MCTP2: variants seen among roughly 807,000 people sequenced by gnomAD.
MCTP2 encodes multiple C2 and transmembrane domain containing 2.
Under a neutral mutation model 111.6 loss-of-function variants are expected in MCTP2, and 132 were observed. That is an observed-to-expected ratio of 1.18 (90% confidence interval 1.03 to 1.37). MCTP2 has a LOEUF of 1.37. Among genes scored for constraint, MCTP2 ranks in the 40% most tolerant of loss-of-function variants. The pLI, the probability that MCTP2 is intolerant of heterozygous loss-of-function variation, is 0.00. For missense variants in MCTP2, 1,183 were observed against 1,067.9 expected (o/e 1.11, Z -1.50); for synonymous variants, 395 against 387.7 (o/e 1.02, Z -0.22).
intron 19 of MCTP2, among the ~76,000 whole-genome samples, chr15:94,446,713 G>C (rs1420112134): frequency 2.0e-5 from 3 of 152,128 alleles, no homozygotes; most frequent in Non-Finnish European, 4.4e-5. Flanking sequence ...AAGAAAAAAA[G>C]CCCTGCTTAA....
chr15:94,433,058 T>C (rs1024572962), intron 17 of MCTP2, among the ~76,000 whole-genome samples: 1 of 151,852 alleles, frequency 6.6e-6, no homozygotes, highest in African/African-American at 2.4e-5. Flanking sequence ...CTTCTCGTGT[T>C]ATACTTAAAG....
At chr15:94,329,021 T>C (rs1300168243) in intron 4 of MCTP2, among the ~76,000 whole-genome samples, 2 of 152,122 alleles carry the variant, frequency 1.3e-5, no homozygotes, top group Admixed American at 6.5e-5. Flanking sequence ...ATGTGGAAGC[T>C]CAGGGCTCCA....
intron 1 of MCTP2, among the ~76,000 whole-genome samples, chr15:94,250,844 C>T (rs1222104580): frequency 1.3e-5 from 2 of 152,200 alleles, no homozygotes; most frequent in Non-Finnish European, 2.9e-5. Context: ...AAAAAGCTGT[C>T]TTCATTGTGT....
intron 14 of MCTP2, among the ~76,000 whole-genome samples, chr15:94,385,797 A>C (rs2080433556): frequency 6.6e-6 from 1 of 152,210 alleles, no homozygotes; most frequent in African/African-American, 2.4e-5. Flanking sequence ...TTCCCAACTT[A>C]AGATAGGAAT....
chr15:94,344,730 A>G (rs912266763), intron 7 of MCTP2, among the ~76,000 whole-genome samples: 2 of 152,332 alleles, frequency 1.3e-5, no homozygotes, highest in African/African-American at 2.4e-5. Flanking sequence ...TGGAAACCTA[A>G]ACATCAACTA....
intron 1 of MCTP2, among the ~76,000 whole-genome samples, chr15:94,297,891 C>T (rs1243721536): frequency 6.6e-6 from 1 of 151,966 alleles, no homozygotes; most frequent in Non-Finnish European, 1.5e-5. Flanking sequence ...TCCGCTTCCT[C>T]TGGGAAGGAA....
rs1596121237 is a variant in MCTP2 at position 94,237,618 on chromosome 15, C to T, written c.-66+5954C>T. 1.3e-5 allele frequency among the ~76,000 whole-genome samples: 2 copies of T among 152,222 alleles called. 1 individual carries two copies. Among genetic ancestry groups the T allele is most frequent in the East Asian group, 3.9e-4 (2 of 5,186 alleles). On this transcript the variant is annotated intron_variant, in intron 1 of 22. Coordinates refer to ENST00000357742, the MANE Select transcript of MCTP2 (RefSeq NM_001385001.1). Reference sequence around the variant, plus strand: ...AAGAAGAAAGTGGAAATATTTTACCCCAAAAGTATGTTTCTTTGCCATATT... The same window carrying T: ...AAGAAGAAAGTGGAAATATTTTACCTCAAAAGTATGTTTCTTTGCCATATT...
chr15:94,405,308 A>C (rs2081845980), intron 17 of MCTP2, among the ~76,000 whole-genome samples: 1 of 152,208 alleles, frequency 6.6e-6, no homozygotes, highest in African/African-American at 2.4e-5. Flanking sequence ...AGGTGATACA[A>C]ACATGAACAT....
At position 94,392,914 on chromosome 15, in the gene MCTP2, C is replaced by T. The variant is rs558946518; in HGVS notation, c.1789-6047C>T. Among the ~76,000 whole-genome samples, 7 of 152,070 alleles carry T rather than the reference C, an allele frequency of 4.6e-5. No individual in the cohort carries two copies. The South Asian group carries it at 1.5e-3, about 32-fold the overall frequency. Reference sequence around the variant, plus strand: ...CTCATCTTTAAATTGATAATAGTTCCTATTGCATAGGATTGTTTGGAAAAT... The same window carrying T: ...CTCATCTTTAAATTGATAATAGTTCTTATTGCATAGGATTGTTTGGAAAAT... On this transcript the variant is annotated intron_variant, in intron 14 of 22. Transcript: ENST00000357742.
chr15:94,419,515 G>T (rs1307730336), intron 17 of MCTP2, among the ~76,000 whole-genome samples: 1 of 152,030 alleles, frequency 6.6e-6, no homozygotes, highest in South Asian at 2.1e-4. Flanking sequence ...ATGAAGCTGA[G>T]ATTTGCCAAG....
chr15:94,353,305 G>A (rs1459499918), intron 8 of MCTP2, among the ~76,000 whole-genome samples: 1 of 152,130 alleles, frequency 6.6e-6, no homozygotes, highest in Non-Finnish European at 1.5e-5. Flanking sequence ...AGGAGCTCCA[G>A]CCAAGTCGCG....
At chr15:94,246,101 A>G (rs1043274540) in intron 1 of MCTP2, among the ~76,000 whole-genome samples, 1 of 152,056 alleles carries the variant, frequency 6.6e-6, no homozygotes, top group Non-Finnish European at 1.5e-5. Context: ...CGTCACTTTT[A>G]TCTCTGTTCC....
At chr15:94,336,567 G>T (rs770366267) in intron 4 of MCTP2, among the ~76,000 whole-genome samples, 1 of 152,030 alleles carries the variant, frequency 6.6e-6, no homozygotes, top group African/African-American at 2.4e-5. Flanking sequence ...ATGATGACCC[G>T]TAGTGTCAGT....
At chr15:94,470,521 AT>A in intron 21 of MCTP2, 79 bp downstream of exon 21, 1 of 1,016,188 alleles carries the variant, frequency 9.8e-7, no homozygotes. Context: ...GCGACTATTA[AT>A]TTTAAATGTG....
At chr15:94,392,654 G>A (rs67515778) in intron 14 of MCTP2, among the ~76,000 whole-genome samples, 25,918 of 151,162 alleles carry the variant, frequency 0.17, 2,378 homozygotes, top group African/African-American at 0.21. Flanking sequence ...TTTCTACTAA[G>A]AATGCAAAAA....
intron 17 of MCTP2, among the ~76,000 whole-genome samples, chr15:94,418,993 A>G (rs1472632585): frequency 3.9e-5 from 6 of 152,192 alleles, no homozygotes; most frequent in Admixed American, 3.9e-4. Flanking sequence ...CTTTAAAGTT[A>G]GAATGGATCA....
intron 1 of MCTP2, among the ~76,000 whole-genome samples, chr15:94,264,065 C>T (rs1022515722): frequency 6.6e-6 from 1 of 152,150 alleles, no homozygotes; most frequent in African/African-American, 2.4e-5. Context: ...AGATGTCCCT[C>T]ACTTCTTCTT....
At chr15:94,439,296 C>G (rs1220918732) in intron 17 of MCTP2, among the ~76,000 whole-genome samples, 1 of 150,088 alleles carries the variant, frequency 6.7e-6, no homozygotes, top group Non-Finnish European at 1.5e-5. Context: ...AGTAATTTGC[C>G]TTTTCTAAGT....
intron 10 of MCTP2, 152 bp downstream of exon 10, chr15:94,358,764 G>A: frequency 1.2e-6 from 1 of 828,996 alleles, no homozygotes; most frequent in Non-Finnish European, 1.8e-6. Context: ...CCTAACTGGG[G>A]GAAAGTTTGC....
Sources: allele counts gnomAD v4.1 joint callset (sites outside exome capture counted in the v4.1 genomes callset), GRCh38; gene constraint gnomAD v4.1.1; transcripts MANE v1.5; gene names NCBI Gene and HGNC (gene_info 2026-07-23, HGNC 2026-07-21).